Variants in PLPPR4 observed in about 807,000 individuals in gnomAD.
PLPPR4 encodes the protein phospholipid phosphatase related 4, also known as phospholipid phosphatase-related protein type 4.
PLPPR4 carries 24 observed loss-of-function variants against 56.6 expected under a neutral mutation model. That is an observed-to-expected ratio of 0.42 (90% CI 0.31 to 0.60). The LOEUF is 0.60. Ranked by LOEUF, PLPPR4 falls within the 20% of genes least tolerant of loss-of-function variation. PLPPR4 has a pLI of 0.13. For missense variants in PLPPR4, 654 were observed against 885.8 expected (o/e 0.74, Z 3.32); for synonymous variants, 326 against 328.1 (o/e 0.99, Z 0.07).
At chr1:99,290,614 A>G (rs980963316) in intron 2 of PLPPR4, among the ~76,000 whole-genome samples, 1 of 152,196 alleles carries the variant, frequency 6.6e-6, no homozygotes, top group African/African-American at 2.4e-5. Context: ...AATGGAACAG[A>G]ATAGGAAACC....
chr1:99,303,050 A>G (rs1344724198), intron 6 of PLPPR4, among the ~76,000 whole-genome samples: 1 of 152,150 alleles, frequency 6.6e-6, no homozygotes, highest in Admixed American at 6.6e-5. Context: ...AAAGTATTTT[A>G]GGAATAGCAA....
intron 2 of PLPPR4, among the ~76,000 whole-genome samples, chr1:99,295,547 C>A (rs949699408): frequency 1.3e-5 from 2 of 152,152 alleles, no homozygotes; most frequent in Admixed American, 6.5e-5. Flanking sequence ...CTGCTTGTAT[C>A]TCATTAATTG....
At chr1:99,271,132 A>G (rs1255724360) in intron 1 of PLPPR4, among the ~76,000 whole-genome samples, 1 of 152,218 alleles carries the variant, frequency 6.6e-6, no homozygotes, top group Non-Finnish European at 1.5e-5. Flanking sequence ...GCCAATTTCA[A>G]GGAGATTTTA....
At chr1:99,281,163 C>T (rs527381615) in intron 1 of PLPPR4, among the ~76,000 whole-genome samples, 5 of 152,196 alleles carry the variant, frequency 3.3e-5, no homozygotes, top group Non-Finnish European at 1.5e-5. Context: ...AAAAAAACCC[C>T]TCATTTCACT....
At chr1:99,270,126 A>C (rs1000833060) in intron 1 of PLPPR4, among the ~76,000 whole-genome samples, 31 of 151,428 alleles carry the variant, frequency 2.0e-4, no homozygotes, top group African/African-American at 7.5e-4. Context: ...CCAGGTTCAA[A>C]TGATTCTCCC....
rs535468439 is a variant in PLPPR4, at chr1:99,271,744, A to G, written c.78+7073A>G. On this transcript the variant is annotated intron_variant, in intron 1 of 6. Coordinates refer to ENST00000370185, the MANE Select transcript of PLPPR4 (RefSeq NM_014839.5). The stretch of plus-strand genomic sequence containing the variant: ...GGATCAGTGGGTGGGGGTGAGAGGG[A>G]AGACTTGGAACTTAAATAGAGTTTA... 1.6e-3 allele frequency among the ~76,000 whole-genome samples: 243 copies of G among 152,226 alleles called. 1 individual carries two copies. The highest frequency in any genetic ancestry group is 5.6e-3 in the African/African-American group (234 of 41,528).
In PLPPR4 at chr1:99,280,172, A is replaced by G. The variant is rs529187898; in HGVS notation, c.79-7793A>G. On this transcript the variant is annotated intron_variant, in intron 1 of 6. Transcript: ENST00000370185. ...GGAGGAGGAAAGCCAGTTGAGTTCC[A>G]TGAGCAAAGAATTTTGAGCATGTTT... Among the ~76,000 whole-genome samples the G allele has an allele frequency of 1.6e-4, 25 of 152,294 alleles. No homozygotes were observed. The South Asian group carries it at 5.0e-3, about 30-fold the overall frequency.
chr1:99,271,964 G>A (rs1659073003), intron 1 of PLPPR4, among the ~76,000 whole-genome samples: 1 of 149,488 alleles, frequency 6.7e-6, no homozygotes, highest in Non-Finnish European at 1.5e-5. Flanking sequence ...CAATCTGTGA[G>A]CAAACCATGG....
At chr1:99,284,801 T>C (rs1009700525) in intron 1 of PLPPR4, among the ~76,000 whole-genome samples, 1 of 152,152 alleles carries the variant, frequency 6.6e-6, no homozygotes, top group African/African-American at 2.4e-5. Context: ...TATGTATATA[T>C]AGAGATACAT....
chr1:99,303,770 C>T (rs1026174359), intron 6 of PLPPR4, among the ~76,000 whole-genome samples: 3 of 152,116 alleles, frequency 2.0e-5, no homozygotes, highest in East Asian at 1.9e-4. Flanking sequence ...TATTCTCACT[C>T]GCATGCATTC....
chr1:99,297,075 T>C (rs907105334), intron 3 of PLPPR4, among the ~76,000 whole-genome samples: 3 of 152,186 alleles, frequency 2.0e-5, no homozygotes, highest in South Asian at 2.1e-4. Context: ...AGCCCTTGTT[T>C]TGAGAGCTAA....
At chr1:99,266,135 G>C (rs138976488) in intron 1 of PLPPR4, among the ~76,000 whole-genome samples, 136 of 152,330 alleles carry the variant, frequency 8.9e-4, no homozygotes, top group African/African-American at 3.1e-3. Flanking sequence ...GATGAAAATG[G>C]TGAAGGAATA....
At chr1:99,283,912 C>A (rs1187022951) in intron 1 of PLPPR4, among the ~76,000 whole-genome samples, 4 of 151,848 alleles carry the variant, frequency 2.6e-5, no homozygotes, top group Non-Finnish European at 5.9e-5. Context: ...AAATGGCACC[C>A]CTGCACTCCA....
chr1:99,291,041 G>T (rs961353495), intron 2 of PLPPR4, among the ~76,000 whole-genome samples: 3 of 151,388 alleles, frequency 2.0e-5, no homozygotes, highest in African/African-American at 7.3e-5. Context: ...TGCAAATTAT[G>T]CATCTAAAAA....
chr1:99,288,188 G>A, intron 2 of PLPPR4, 38 bp downstream of exon 2: 2 of 1,577,374 alleles, frequency 1.3e-6, no homozygotes, highest in Non-Finnish European at 8.6e-7. Context: ...ATCTGTCCTG[G>A]AAAACTAAAA....
chr1:99,278,349 T>C (rs750449404), intron 1 of PLPPR4, among the ~76,000 whole-genome samples: 1 of 152,154 alleles, frequency 6.6e-6, no homozygotes, highest in African/African-American at 2.4e-5. Context: ...GTAATAATAG[T>C]ATCTTCATCA....
At chr1:99,265,493 C>T (rs1352453931) in intron 1 of PLPPR4, among the ~76,000 whole-genome samples, 2 of 152,046 alleles carry the variant, frequency 1.3e-5, no homozygotes, top group African/African-American at 2.4e-5. Flanking sequence ...ACAGTGATTC[C>T]GTGTACTGTG....
At chr1:99,279,097 A>G (rs1256874281) in intron 1 of PLPPR4, among the ~76,000 whole-genome samples, 1 of 152,200 alleles carries the variant, frequency 6.6e-6, no homozygotes, top group Non-Finnish European at 1.5e-5. Context: ...TTGTCCATGT[A>G]TGTATTAGTT....
At chr1:99,301,674 TAATAA>T (rs764490550) in intron 5 of PLPPR4, 45 bp from the exon 6 acceptor site, 1 of 1,290,738 alleles carries the variant, frequency 7.7e-7, no homozygotes, top group South Asian at 1.5e-5. Context: ...TATAATTTAC[TAATAA>T]AATGGCCTTT....
Sources: gnomAD v4.1 joint callset for allele counts (sites outside exome capture counted in the v4.1 genomes callset) on GRCh38, gnomAD v4.1.1 for gene constraint, MANE v1.5 for transcripts, NCBI Gene and HGNC (gene_info 2026-07-23, HGNC 2026-07-21) for gene names.